The following STK33 variants were observed in gnomAD, a reference collection of about 807,000 sequenced individuals.
STK33 encodes serine/threonine kinase 33.
Under a neutral mutation model 58.0 loss-of-function variants are expected in STK33, and 52 were observed. That is an observed-to-expected ratio of 0.90 (90% CI 0.72 to 1.13). The LOEUF is 1.13. STK33 is among the 50% of genes most tolerant of loss of function. STK33 has a pLI of 0.00. For synonymous variants in STK33, 215 were observed against 200.1 expected (o/e 1.07, Z -0.63); for missense variants, 630 against 604.2 (o/e 1.04, Z -0.45).
intron 1 of STK33, among the ~76,000 whole-genome samples, chr11:8,493,900 C>T (rs554988386): frequency 3.8e-4 from 58 of 152,256 alleles, no homozygotes; most frequent in Non-Finnish European, 5.9e-4. Context: ...TTCAACAGCC[C>T]TTCATGCTAA....
intron 1 of STK33, among the ~76,000 whole-genome samples, chr11:8,506,682 T>C (rs1297248850): frequency 6.6e-6 from 1 of 152,170 alleles, no homozygotes; most frequent in African/African-American, 2.4e-5. Flanking sequence ...TTTTGCCATT[T>C]AGGGTAACAT....
At position 8,462,132 on chromosome 11, in the gene STK33, C is replaced by T. The variant is rs537421692; in HGVS notation, c.454-223G>A. ...CTTTCCTTTGTCCAATTTTAAGTTA[C>T]ATATAATTTTGCCTCAAGCCACATC... On this transcript the variant is annotated intron_variant, in intron 7 of 15. Transcript: ENST00000687296. Among the ~76,000 whole-genome samples the T allele has an allele frequency of 1.6e-3, 249 of 152,042 alleles. 1 individual carries two copies. Among genetic ancestry groups the T allele is most frequent in the Non-Finnish European group, 2.7e-3 (184 of 67,978 alleles).
At chr11:8,371,514 T>A in the STK33 span, among the ~76,000 whole-genome samples, 1 of 152,244 alleles carries the variant, frequency 6.6e-6, no homozygotes, top group Non-Finnish European at 1.5e-5. Flanking sequence ...CCACAGAATT[T>A]GTGGTAATTT....
intron 1 of STK33, among the ~76,000 whole-genome samples, chr11:8,535,660 T>C (rs1591674137): frequency 6.6e-6 from 1 of 152,212 alleles, no homozygotes; most frequent in African/African-American, 2.4e-5. Context: ...ACAGCCACTA[T>C]GGAAAGCAGT....
At chr11:8,497,477 T>A (rs1951153803) in intron 1 of STK33, among the ~76,000 whole-genome samples, 1 of 152,222 alleles carries the variant, frequency 6.6e-6, no homozygotes, top group Non-Finnish European at 1.5e-5. Context: ...TTCTTTCTTT[T>A]TCTTTTTCTT....
At chr11:8,336,207 C>T in the STK33 span, among the ~76,000 whole-genome samples, 3 of 152,232 alleles carry the variant, frequency 2.0e-5, no homozygotes, top group African/African-American at 4.8e-5. Flanking sequence ...CCACCTGGCC[C>T]GGGCCTCTTG....
At chr11:8,385,862 C>T in the STK33 span, among the ~76,000 whole-genome samples, 20 of 152,198 alleles carry the variant, frequency 1.3e-4, no homozygotes, top group East Asian at 2.7e-3. Flanking sequence ...GCAAGCTCCG[C>T]CTCCCGGGTT....
chr11:8,544,596 T>C (rs1955775648), intron 1 of STK33, among the ~76,000 whole-genome samples: 2 of 151,926 alleles, frequency 1.3e-5, no homozygotes, highest in South Asian at 4.1e-4. Context: ...AATTGACATA[T>C]ACTCATTGTT....
intron 1 of STK33, among the ~76,000 whole-genome samples, chr11:8,580,155 T>C (rs111346183): frequency 0.011 from 1,698 of 152,144 alleles, 20 homozygotes; most frequent in African/African-American, 0.038. Flanking sequence ...ATGGAAGAAA[T>C]ATTTGCAATC....
chr11:8,547,898 A>C (rs987645142), intron 1 of STK33, among the ~76,000 whole-genome samples: 38 of 152,126 alleles, frequency 2.5e-4, no homozygotes, highest in Non-Finnish European at 4.7e-4. Context: ...CATTCTGAGC[A>C]AACTATCACA....
intron 15 of STK33, among the ~76,000 whole-genome samples, chr11:8,394,357 T>C (rs994694853): frequency 1.3e-5 from 2 of 152,208 alleles, no homozygotes; most frequent in Non-Finnish European, 1.5e-5. Flanking sequence ...TACATACAAA[T>C]GCTATTAAAA....
intron 1 of STK33, among the ~76,000 whole-genome samples, chr11:8,548,818 T>C (rs141978551): frequency 4.2e-4 from 64 of 152,330 alleles, no homozygotes; most frequent in African/African-American, 1.4e-3. Context: ...AAAAAATGGT[T>C]AAATTTTTTC....
intron 15 of STK33, among the ~76,000 whole-genome samples, chr11:8,399,369 TGGGTAC>T (rs200164308): frequency 0.058 from 8,850 of 152,214 alleles, 435 homozygotes; most frequent in East Asian, 0.26. Flanking sequence ...GAATGACTAC[TGGGTAC>T]ATAACGAAAT....
intron 6 of STK33, among the ~76,000 whole-genome samples, chr11:8,470,844 T>C (rs1948712778): frequency 6.6e-6 from 1 of 152,104 alleles, no homozygotes; most frequent in African/African-American, 2.4e-5. Flanking sequence ...CCCAAACAAG[T>C]ACAATAGTAA....
intron 1 of STK33, among the ~76,000 whole-genome samples, chr11:8,583,800 G>A (rs1388972538): frequency 1.3e-5 from 2 of 151,972 alleles, no homozygotes; most frequent in East Asian, 3.9e-4. Flanking sequence ...TAGTTTCCCT[G>A]GAGATTACAG....
intron 6 of STK33, among the ~76,000 whole-genome samples, chr11:8,471,427 A>C (rs1948768243): frequency 6.6e-6 from 1 of 152,020 alleles, no homozygotes; most frequent in African/African-American, 2.4e-5. Context: ...TTTTACTGAC[A>C]CAGAAGAAGT....
chr11:8,460,660 T>C (rs1243203248), intron 8 of STK33, among the ~76,000 whole-genome samples: 1 of 151,476 alleles, frequency 6.6e-6, no homozygotes, highest in African/African-American at 2.4e-5. Flanking sequence ...ATGAAAACCA[T>C]AAACTCACAA....
chr11:8,489,932 A>C (rs1026711135), intron 1 of STK33, among the ~76,000 whole-genome samples: 1 of 152,188 alleles, frequency 6.6e-6, no homozygotes, highest in Non-Finnish European at 1.5e-5. Context: ...ATTAAAAAAA[A>C]ACAACACAGG....
intron 15 of STK33, among the ~76,000 whole-genome samples, chr11:8,408,004 G>GA (rs1427251888): frequency 7.2e-5 from 11 of 152,078 alleles, no homozygotes; most frequent in Admixed American, 6.6e-4. Flanking sequence ...TAGTTCATCA[G>GA]AAAAAATGAT....
Sources: allele counts gnomAD v4.1 joint callset (sites outside exome capture counted in the v4.1 genomes callset), GRCh38; gene constraint gnomAD v4.1.1; transcripts MANE v1.5; gene names NCBI Gene and HGNC (gene_info 2026-07-23, HGNC 2026-07-21).